NCK1: variants seen among roughly 807,000 people sequenced by gnomAD.
NCK1 encodes the protein SH2/SH3 adapter protein NCK1.
A neutral mutation model predicts 36.6 loss-of-function variants in NCK1; 19 were observed. That is an observed-to-expected ratio of 0.52 (90% CI 0.36 to 0.76). The LOEUF (loss-of-function observed/expected upper bound fraction) is 0.76, where lower values mean the gene tolerates loss of function less well. Ranked by LOEUF, NCK1 falls within the 30% of genes least tolerant of loss-of-function variation. NCK1 has a pLI of 0.00. For missense variants in NCK1, 358 were observed against 445.6 expected (o/e 0.80, Z 1.77); for synonymous variants, 165 against 156.0 (o/e 1.06, Z -0.43).
chr3:136,884,718 C>CTTTT (rs72234296), intron 1 of NCK1, among the ~76,000 whole-genome samples: 8 of 145,092 alleles, frequency 5.5e-5, no homozygotes, highest in African/African-American at 7.7e-5. Flanking sequence ...CATGCCTGAG[C>CTTTT]TTTTTTTTTT....
At chr3:136,944,951 C>G (rs1041090777) in intron 2 of NCK1, among the ~76,000 whole-genome samples, 38 of 152,144 alleles carry the variant, frequency 2.5e-4, no homozygotes, top group Admixed American at 2.1e-3. Flanking sequence ...GGGATTCTAT[C>G]TGTAAACAAA....
At chr3:136,913,108 CTCTG>C (rs879326764) in intron 1 of NCK1, among the ~76,000 whole-genome samples, 1,724 of 152,136 alleles carry the variant, frequency 0.011, 14 homozygotes, top group Non-Finnish European at 0.018. Flanking sequence ...TCTGATCTTT[CTCTG>C]GGAAGGTTTC....
chr3:136,901,743 C>T (rs1293137885), intron 1 of NCK1, among the ~76,000 whole-genome samples: 2 of 151,944 alleles, frequency 1.3e-5, no homozygotes, highest in Non-Finnish European at 2.9e-5. Flanking sequence ...TTTTCATTTT[C>T]TGATTTTACT....
At chr3:136,888,831 C>A (rs148985266) in intron 1 of NCK1, among the ~76,000 whole-genome samples, 1 of 151,834 alleles carries the variant, frequency 6.6e-6, no homozygotes, top group East Asian at 1.9e-4. Context: ...CCTTTGTAAC[C>A]GCTTTCTTTC....
At chr3:136,900,501 G>T (rs994439352) in intron 1 of NCK1, among the ~76,000 whole-genome samples, 1 of 152,152 alleles carries the variant, frequency 6.6e-6, no homozygotes, top group African/African-American at 2.4e-5. Context: ...CATTGAAAAT[G>T]TAGATTGCTT....
At chr3:136,872,841 A>G (rs1020607715) in intron 1 of NCK1, among the ~76,000 whole-genome samples, 6 of 152,130 alleles carry the variant, frequency 3.9e-5, no homozygotes, top group Non-Finnish European at 7.3e-5. Flanking sequence ...TGATGCTGCA[A>G]TGTGGTGTTG....
At chr3:136,867,175 TCCTTCTTTCTTTC>T (rs1938469044) in intron 1 of NCK1, among the ~76,000 whole-genome samples, 2 of 52,436 alleles carry the variant, frequency 3.8e-5, no homozygotes, top group Non-Finnish European at 8.0e-5. Flanking sequence ...CTTCCTTCCT[TCCTTCTTTCTTTC>T]TTTTCTTTCT....
At chr3:136,942,945 C>T (rs1940714709) in intron 2 of NCK1, among the ~76,000 whole-genome samples, 1 of 152,216 alleles carries the variant, frequency 6.6e-6, no homozygotes, top group Admixed American at 6.5e-5. Context: ...CAAGTTGAAA[C>T]CCACAATCAC....
rs547901011 is a variant in NCK1 at position 136,949,485 on chromosome 3, T to A, written c.*1032T>A. ...GGAAAAAATAGAATGTGCTCATGGT[T>A]AGGGAAAATTATATTATTTTTAATT... On this transcript the variant is annotated 3_prime_UTR_variant, in exon 4 of 4. Transcript: ENST00000481752. 2.6e-5 allele frequency: 4 copies of A among 152,148 alleles called. No homozygotes were observed. In the East Asian group the frequency reaches 7.7e-4, roughly 29 times the overall value. The allele number at this position is 152,148 out of a possible 1,614,324, so 9.4% of individuals were successfully genotyped here. A position where few individuals can be genotyped will look rare whatever the true frequency, so the allele number is the denominator to read the frequency against.
rs117828563 is a variant in NCK1 at position 136,892,917 on chromosome 3, A to G, written c.-19+30564A>G. ...GAGATTGGTACAACCATCACCCAACAGCAATGTACACTGTACCCAATGTGT... is the reference window on the plus strand; with the variant it reads ...GAGATTGGTACAACCATCACCCAACGGCAATGTACACTGTACCCAATGTGT... On this transcript the variant is annotated intron_variant, in intron 1 of 3. Coordinates refer to ENST00000481752, the MANE Select transcript of NCK1 (RefSeq NM_001291999.2). Among the ~76,000 whole-genome samples the G allele has an allele frequency of 8.6e-4, 131 of 152,104 alleles. No homozygotes were observed. The East Asian group carries it at 0.017, about 19-fold the overall frequency.
At chr3:136,902,427 T>C (rs563476551) in intron 1 of NCK1, among the ~76,000 whole-genome samples, 1 of 152,308 alleles carries the variant, frequency 6.6e-6, no homozygotes, top group African/African-American at 2.4e-5. Context: ...GCTCCTGAGC[T>C]CAGGCAATCT....
At chr3:136,933,960 A>T (rs964991545) in intron 2 of NCK1, among the ~76,000 whole-genome samples, 2 of 152,078 alleles carry the variant, frequency 1.3e-5, no homozygotes, top group Non-Finnish European at 1.5e-5. Context: ...TGCCTGCCTC[A>T]GCCTCCCAAA....
intron 1 of NCK1, among the ~76,000 whole-genome samples, chr3:136,871,594 A>T (rs904621368): frequency 6.6e-6 from 1 of 152,100 alleles, no homozygotes; most frequent in Non-Finnish European, 1.5e-5. Context: ...TCCCTCTCAA[A>T]GGTAATCACT....
chr3:136,895,432 T>A (rs890580373), intron 1 of NCK1, among the ~76,000 whole-genome samples: 20 of 152,026 alleles, frequency 1.3e-4, no homozygotes, highest in Middle Eastern at 3.4e-3. Context: ...CCACCTTTTT[T>A]AAAAAATTGC....
At chr3:136,921,060 A>T (rs1940096181) in intron 1 of NCK1, among the ~76,000 whole-genome samples, 1 of 152,222 alleles carries the variant, frequency 6.6e-6, no homozygotes, top group African/African-American at 2.4e-5. Context: ...GAGGTCGTTA[A>T]GATGGACCTT....
At chr3:136,943,812 A>G (rs570218680) in intron 2 of NCK1, among the ~76,000 whole-genome samples, 1 of 152,346 alleles carries the variant, frequency 6.6e-6, no homozygotes, top group South Asian at 2.1e-4. Context: ...GAGCCTAGAC[A>G]GAGGTAAACA....
At chr3:136,918,084 A>G (rs751067471) in intron 1 of NCK1, among the ~76,000 whole-genome samples, 2 of 152,238 alleles carry the variant, frequency 1.3e-5, no homozygotes, top group African/African-American at 2.4e-5. Flanking sequence ...ACATTTAAAA[A>G]TAAATTGTTT....
intron 2 of NCK1, among the ~76,000 whole-genome samples, chr3:136,933,423 G>A (rs965301464): frequency 1.3e-4 from 20 of 152,110 alleles, no homozygotes; most frequent in South Asian, 8.3e-4. Context: ...ATATGAAGAA[G>A]GAATGTTCAC....
intron 1 of NCK1, among the ~76,000 whole-genome samples, chr3:136,893,468 G>A (rs1939310299): frequency 6.6e-6 from 1 of 151,888 alleles, no homozygotes; most frequent in Non-Finnish European, 1.5e-5. Context: ...GTCTATTCAC[G>A]TCCTTAGGCT....
Sources: allele counts gnomAD v4.1 joint callset (sites outside exome capture counted in the v4.1 genomes callset), GRCh38; gene constraint gnomAD v4.1.1; transcripts MANE v1.5; gene names NCBI Gene and HGNC (gene_info 2026-07-23, HGNC 2026-07-21).